Variants in KCNH5 observed in about 807,000 individuals in gnomAD.
KCNH5 encodes potassium voltage-gated channel subfamily H member 5.
Under a neutral mutation model 96.1 loss-of-function variants are expected in KCNH5, and 46 were observed. The ratio of observed to expected loss-of-function variants is 0.48; its 90% CI spans 0.38 to 0.61. The LOEUF (loss-of-function observed/expected upper bound fraction) is 0.61. Ranked by LOEUF, KCNH5 falls within the 20% of genes least tolerant of loss-of-function variation. KCNH5 has a pLI of 0.00. For synonymous variants in KCNH5, 439 were observed against 449.8 expected (o/e 0.98, Z 0.30); for missense variants, 907 against 1,225.8 (o/e 0.74, Z 3.88).
chr14:63,026,539 G>A (rs534558035), intron 1 of KCNH5, among the ~76,000 whole-genome samples: 1 of 152,036 alleles, frequency 6.6e-6, no homozygotes, highest in Admixed American at 6.6e-5. Context: ...TAAAACATGG[G>A]CAAAGGATAT....
At chr14:62,905,588 C>G (rs1889011635) in intron 7 of KCNH5, among the ~76,000 whole-genome samples, 2 of 152,168 alleles carry the variant, frequency 1.3e-5, no homozygotes, top group Admixed American at 1.3e-4. Flanking sequence ...ATGGTTAGAA[C>G]ATTTCTCTGC....
intron 10 of KCNH5, among the ~76,000 whole-genome samples, chr14:62,731,809 T>A (rs1885056927): frequency 6.6e-6 from 1 of 152,188 alleles, no homozygotes; most frequent in Non-Finnish European, 1.5e-5. Flanking sequence ...TGATCACCAA[T>A]GGCCTCCTTC....
chr14:62,873,425 A>T (rs1432240810), intron 7 of KCNH5, among the ~76,000 whole-genome samples: 1 of 152,198 alleles, frequency 6.6e-6, no homozygotes, highest in Non-Finnish European at 1.5e-5. Context: ...TATTAGGCAG[A>T]CAAATTCATA....
chr14:62,973,022 T>C (rs1220140325), intron 6 of KCNH5, among the ~76,000 whole-genome samples: 2 of 152,166 alleles, frequency 1.3e-5, no homozygotes, highest in Non-Finnish European at 2.9e-5. Flanking sequence ...GTGATAATGA[T>C]GTATTCAAGT....
chr14:63,009,272 C>T (rs566379128), intron 2 of KCNH5, among the ~76,000 whole-genome samples: 98 of 152,072 alleles, frequency 6.4e-4, no homozygotes, highest in African/African-American at 2.0e-3. Flanking sequence ...ATAACACCAA[C>T]GAAGAAAAAA....
At chr14:62,813,640 C>T (rs1359989700) in intron 8 of KCNH5, among the ~76,000 whole-genome samples, 1 of 152,042 alleles carries the variant, frequency 6.6e-6, no homozygotes, top group African/African-American at 2.4e-5. Context: ...TTGGAGCTAC[C>T]ACCAAATCTC....
chr14:62,930,941 C>A (rs1276553224), intron 7 of KCNH5, among the ~76,000 whole-genome samples: 1 of 152,084 alleles, frequency 6.6e-6, no homozygotes, highest in Admixed American at 6.6e-5. Flanking sequence ...AAAGTTTAGA[C>A]CCTTGACTCA....
chr14:62,901,101 GC>G (rs1333038664), intron 7 of KCNH5, among the ~76,000 whole-genome samples: 2 of 152,068 alleles, frequency 1.3e-5, no homozygotes, highest in African/African-American at 4.8e-5. Flanking sequence ...CACTACTCCT[GC>G]CTCAGCCTCC....
chr14:62,898,179 C>T (rs949771385), intron 7 of KCNH5, among the ~76,000 whole-genome samples: 1 of 152,022 alleles, frequency 6.6e-6, no homozygotes, highest in African/African-American at 2.4e-5. Context: ...AATTCTAAGA[C>T]ATTTTAGAAA....
In KCNH5 at chr14:62,943,804, C is replaced by A. The variant is rs770768335; in HGVS notation, c.1369+6329G>T. On this transcript the variant is annotated intron_variant, in intron 7 of 10. Transcript: ENST00000322893. ...TCAAGGCAGACAGAGTATGAAAAAA[C>A]CAAGAGAAGACAAATTTAAGGTAAA... 2.6e-5 allele frequency among the ~76,000 whole-genome samples: 4 copies of A among 152,156 alleles called. No individual in the cohort carries two copies. The East Asian group carries it at 7.7e-4, about 29-fold the overall frequency.
At chr14:62,785,802 C>T (rs1337249220) in intron 9 of KCNH5, among the ~76,000 whole-genome samples, 1 of 152,130 alleles carries the variant, frequency 6.6e-6, no homozygotes, top group Non-Finnish European at 1.5e-5. Flanking sequence ...GGATTATGGT[C>T]CCCAAAGGGG....
At chr14:62,731,071 C>A (rs1489226307) in intron 10 of KCNH5, among the ~76,000 whole-genome samples, 1 of 152,066 alleles carries the variant, frequency 6.6e-6, no homozygotes, top group African/African-American at 2.4e-5. Context: ...GAGGCTGAGG[C>A]AGGAGGATCA....
At chr14:62,915,282 G>C (rs1355825810) in intron 7 of KCNH5, among the ~76,000 whole-genome samples, 1 of 152,144 alleles carries the variant, frequency 6.6e-6, no homozygotes, top group Admixed American at 6.5e-5. Context: ...CCTGTTTCTT[G>C]AGAGCGGGGA....
chr14:62,855,223 A>T (rs901689891), intron 7 of KCNH5, among the ~76,000 whole-genome samples: 5 of 152,086 alleles, frequency 3.3e-5, no homozygotes, highest in Non-Finnish European at 7.3e-5. Flanking sequence ...TACAATATTG[A>T]TGTGAGTATA....
chr14:62,980,732 T>C (rs188564707), intron 6 of KCNH5, 140 bp downstream of exon 6: 36 of 794,626 alleles, frequency 4.5e-5, no homozygotes, highest in Admixed American at 9.5e-5. Context: ...TAATCAAATA[T>C]AATAACTTTT....
chr14:62,856,754 T>A (rs984672187), intron 7 of KCNH5, among the ~76,000 whole-genome samples: 6 of 151,956 alleles, frequency 3.9e-5, no homozygotes, highest in African/African-American at 1.2e-4. Context: ...CCTCTATGCA[T>A]CTGCTACGAG....
intron 1 of KCNH5, among the ~76,000 whole-genome samples, chr14:63,039,998 C>T (rs772244909): frequency 2.0e-5 from 3 of 152,062 alleles, no homozygotes; most frequent in Non-Finnish European, 4.4e-5. Context: ...ATACTAACTA[C>T]AGTACTTTGG....
At chr14:62,920,729 A>G (rs1889366367) in intron 7 of KCNH5, among the ~76,000 whole-genome samples, 1 of 152,178 alleles carries the variant, frequency 6.6e-6, no homozygotes, top group South Asian at 2.1e-4. Context: ...TGAAAGACCA[A>G]TCAATTATTC....
At chr14:62,876,818 G>C (rs1347118674) in intron 7 of KCNH5, among the ~76,000 whole-genome samples, 2 of 152,274 alleles carry the variant, frequency 1.3e-5, no homozygotes, top group East Asian at 1.9e-4. Context: ...TAATTAAATA[G>C]AGAAAAGACA....
Sources: allele counts gnomAD v4.1 joint callset (sites outside exome capture counted in the v4.1 genomes callset), GRCh38; gene constraint gnomAD v4.1.1; transcripts MANE v1.5; gene names NCBI Gene and HGNC (gene_info 2026-07-23, HGNC 2026-07-21).